Variants in ARHGEF10 observed in about 807,000 individuals in gnomAD.
ARHGEF10 encodes Rho guanine nucleotide exchange factor 10.
Under a neutral mutation model 147.4 loss-of-function variants are expected in ARHGEF10, and 140 were observed. That is an observed-to-expected ratio of 0.95 (90% CI 0.83 to 1.09). The LOEUF (loss-of-function observed/expected upper bound fraction) is 1.09, where lower values mean the gene tolerates loss of function less well. Ranked by LOEUF, ARHGEF10 falls within the 50% of genes least tolerant of loss-of-function variation. ARHGEF10 has a pLI of 0.00. For missense variants in ARHGEF10, 2,222 were observed against 1,752.7 expected (o/e 1.27, Z -4.78); for synonymous variants, 902 against 695.8 (o/e 1.30, Z -4.67).
intron 2 of ARHGEF10, among the ~76,000 whole-genome samples, chr8:1,854,790 A>G (rs1805424703): frequency 6.6e-6 from 1 of 152,234 alleles, no homozygotes; most frequent in Admixed American, 6.5e-5. Context: ...TCATTCGCTC[A>G]CATGATGTGC....
chr8:1,918,886 T>C (rs1207576829), intron 18 of ARHGEF10, among the ~76,000 whole-genome samples: 1 of 150,514 alleles, frequency 6.6e-6, no homozygotes, highest in Non-Finnish European at 1.5e-5. Flanking sequence ...TTGTGGGTGA[T>C]GGAGCTATTC....
At chr8:1,885,785 G>C in intron 11 of ARHGEF10, 78 bp downstream of exon 11, 3 of 1,162,706 alleles carry the variant, frequency 2.6e-6, no homozygotes, top group Non-Finnish European at 3.9e-6. Flanking sequence ...GTTTGATGCT[G>C]GTTGGTAAAT....
intron 11 of ARHGEF10, among the ~76,000 whole-genome samples, chr8:1,889,921 G>C (rs1161602336): frequency 1.9e-4 from 25 of 131,692 alleles, no homozygotes; most frequent in African/African-American, 6.8e-4. Flanking sequence ...TTAGGAGGCA[G>C]TGAGTGGGGC....
chr8:1,892,690 A>G (rs4875939), intron 11 of ARHGEF10, among the ~76,000 whole-genome samples: 112,852 of 138,864 alleles, frequency 0.81, 43,478 homozygotes, highest in East Asian at 1. Context: ...TATCTTGCAC[A>G]TATATGGGGT....
In ARHGEF10 at chr8:1,923,481, C is replaced by CAGT; in HGVS notation, c.2276_2278dup (p.Val759dup). On this transcript the variant is annotated inframe_insertion, in exon 20 of 29. Coordinates refer to ENST00000349830, the MANE Select transcript of ARHGEF10 (RefSeq NM_014629.4). ...TTTCCTTTGTAGAACTTAAACCAGT[C>CAGT]AGTAGCCCATGACTGGACATCAGGT... is the stretch of plus-strand genomic sequence containing the variant. 6.2e-7 allele frequency: 1 copy of CAGT among 1,614,094 alleles called. No individual in the cohort carries two copies.
intron 18 of ARHGEF10, among the ~76,000 whole-genome samples, chr8:1,916,989 T>A (rs73671050): frequency 0.021 from 3,132 of 152,382 alleles, 111 homozygotes; most frequent in African/African-American, 0.071. Context: ...TTTCTCAGTC[T>A]TTAAAAATTC....
chr8:1,889,248 GGA>G (rs1476682343), intron 11 of ARHGEF10, among the ~76,000 whole-genome samples: 5 of 49,610 alleles, frequency 1.0e-4, no homozygotes, highest in Admixed American at 2.3e-4. Context: ...ACATTGAGTG[GGA>G]TGAGAGGTGT....
rs4876274 is a variant in ARHGEF10 at position 1,909,535 on chromosome 8, T to C, written c.2143+65T>C. 804,592 of 1,597,236 alleles carry C rather than the reference T, an allele frequency of 0.5. 204,199 individuals are homozygous for C. Among genetic ancestry groups the C allele is most frequent in the African/African-American group, 0.64 (48,246 of 74,810 alleles). The stretch of plus-strand genomic sequence containing the variant: ...GGGTAACTCTCACGTTCATGCTAGC[T>C]GTGGGGCCAGCGTAAGCTCCACCAT... On this transcript the variant is annotated intron_variant, in intron 18 of 28. Coordinates refer to ENST00000349830, the MANE Select transcript of ARHGEF10 (RefSeq NM_014629.4).
chr8:1,838,626 T>A (rs1803734337), intron 1 of ARHGEF10, among the ~76,000 whole-genome samples: 2 of 152,234 alleles, frequency 1.3e-5, no homozygotes, highest in African/African-American at 4.8e-5. Context: ...GGCTAAAGGG[T>A]CATTTTGGGT....
chr8:1,948,167 G>A lies in ARHGEF10; in HGVS notation c.3397+2512G>A, dbSNP rs1814745935. Among the ~76,000 whole-genome samples the A allele has an allele frequency of 6.6e-6, 1 of 152,046 alleles. No individual in the cohort carries two copies. The highest frequency in any genetic ancestry group is 1.5e-5 in the Non-Finnish European group (1 of 68,002). The stretch of plus-strand genomic sequence containing the variant: ...CCTCTCACTTGGCAGCAGATGCATG[G>A]GGCTCTGCAGAGCCACCATCCCCTG... On this transcript the variant is annotated intron_variant, in intron 27 of 28. Coordinates refer to ENST00000349830, the MANE Select transcript of ARHGEF10 (RefSeq NM_014629.4). The surrounding 1 kb of genome is among the most constrained non-coding windows in gnomAD (Gnocchi z 4.9).
At chr8:1,953,929 G>A (rs902132920) in intron 28 of ARHGEF10, among the ~76,000 whole-genome samples, 5 of 152,164 alleles carry the variant, frequency 3.3e-5, no homozygotes, top group Non-Finnish European at 7.3e-5. Flanking sequence ...CTCCCAGGCC[G>A]ACCTGACGGT....
chr8:1,880,915 C>T (rs1340464594), intron 9 of ARHGEF10, among the ~76,000 whole-genome samples: 1 of 152,208 alleles, frequency 6.6e-6, no homozygotes, highest in East Asian at 1.9e-4. Context: ...GAAGCCACAG[C>T]CACAGCCGCC....
In ARHGEF10 at chr8:1,843,324, G is replaced by A. The variant is rs759808075; in HGVS notation, c.-47-29G>A. 2.5e-6 allele frequency: 4 copies of A among 1,583,492 alleles called. No individual in the cohort carries two copies. The East Asian group carries it at 6.7e-5, about 27-fold the overall frequency. On this transcript the variant is annotated intron_variant, in intron 1 of 28. Transcript: ENST00000349830. ...GAGTGCATGTTTATCCACCTGAACG[G>A]TGACAAGCAGTGTCTCTCCTTCTTG...
intron 27 of ARHGEF10, among the ~76,000 whole-genome samples, chr8:1,950,519 A>ATTATTCAT (rs1554517840): frequency 1.3e-5 from 2 of 151,254 alleles, no homozygotes; most frequent in African/African-American, 4.9e-5. Context: ...TACCCTTTTT[A>ATTATTCAT]TTATTTATTT....
chr8:1,871,547 C>T (rs932030904), intron 7 of ARHGEF10, among the ~76,000 whole-genome samples: 3 of 152,060 alleles, frequency 2.0e-5, no homozygotes, highest in African/African-American at 7.2e-5. Context: ...AGAATGGGCG[C>T]GGTGGCTCAC....
chr8:1,954,872 C>A (rs574081515), intron 28 of ARHGEF10, among the ~76,000 whole-genome samples: 13 of 152,376 alleles, frequency 8.5e-5, no homozygotes, highest in African/African-American at 2.9e-4. Context: ...CCTGCTGGTG[C>A]CACAGCTATA....
chr8:1,858,279 C>T (rs1416945307), intron 3 of ARHGEF10, among the ~76,000 whole-genome samples, 164 bp downstream of exon 3: 7 of 151,800 alleles, frequency 4.6e-5, no homozygotes, highest in African/African-American at 1.2e-4. Context: ...CAGGTGAGTC[C>T]GCAGATCACC....
At chr8:1,879,875 C>G (rs1399859946) in intron 8 of ARHGEF10, among the ~76,000 whole-genome samples, 173 bp from the exon 9 acceptor site, 1 of 152,124 alleles carries the variant, frequency 6.6e-6, no homozygotes, top group Non-Finnish European at 1.5e-5. Flanking sequence ...ATTTATCTCT[C>G]AAGGACCAAC....
intron 15 of ARHGEF10, among the ~76,000 whole-genome samples, chr8:1,900,972 C>T (rs1757939444): frequency 1.3e-5 from 2 of 152,040 alleles, no homozygotes; most frequent in African/African-American, 2.4e-5. Context: ...GAGCAGTTTC[C>T]CTCAGGGACA....
Sources: allele counts gnomAD v4.1 joint callset (sites outside exome capture counted in the v4.1 genomes callset), GRCh38; gene constraint gnomAD v4.1.1; non-coding constraint Gnocchi (gnomAD v3.1); transcripts MANE v1.5; gene names NCBI Gene and HGNC (gene_info 2026-07-23, HGNC 2026-07-21).